MYO16: variants seen among roughly 807,000 people sequenced by gnomAD.
MYO16 encodes unconventional myosin-XVI.
Under a neutral mutation model 205.3 loss-of-function variants are expected in MYO16, and 94 were observed. The ratio of observed to expected loss-of-function variants is 0.46; its 90% confidence interval spans 0.39 to 0.54. MYO16 has a LOEUF of 0.54. Ranked by LOEUF, MYO16 falls within the 20% of genes least tolerant of loss-of-function variation. The pLI is 0.00. For missense variants in MYO16, 2,315 were observed against 2,387.5 expected (o/e 0.97, Z 0.63); for synonymous variants, 988 against 954.0 (o/e 1.04, Z -0.66).
chr13:109,114,931 G>A (rs370051662), intron 28 of MYO16, among the ~76,000 whole-genome samples: 3 of 152,174 alleles, frequency 2.0e-5, no homozygotes, highest in Admixed American at 6.5e-5. Context: ...AATGAGAGGC[G>A]TCACTATTTT....
intron 11 of MYO16, among the ~76,000 whole-genome samples, chr13:108,864,656 G>A (rs986801049): frequency 1.3e-5 from 2 of 151,838 alleles, no homozygotes; most frequent in Non-Finnish European, 2.9e-5. Flanking sequence ...AGCTTCCTGA[G>A]TAGCTGGGAT....
chr13:108,541,040 C>T, the MYO16 span, among the ~76,000 whole-genome samples: 1 of 152,088 alleles, frequency 6.6e-6, no homozygotes, highest in Non-Finnish European at 1.5e-5. Context: ...ACGTTGTTTT[C>T]ATTTGACATG....
intron 2 of MYO16, among the ~76,000 whole-genome samples, chr13:108,673,566 A>G (rs1297765079): frequency 7.9e-5 from 12 of 152,040 alleles, no homozygotes; most frequent in Admixed American, 7.2e-4. Flanking sequence ...TCAAAATGTA[A>G]CACTGGGATA....
Position 109,019,880 on chromosome 13 carries a change from C to T in MYO16, c.2765C>T (p.Thr922Ile), listed in dbSNP as rs764612209. 2 of 1,614,142 alleles carry T rather than the reference C, an allele frequency of 1.2e-6. No individual in the cohort carries two copies. Among genetic ancestry groups the T allele is most frequent in the South Asian group, 2.2e-5 (2 of 91,084 alleles). ...AATGTTGCCCTCAAAGACCACGGTA[C>T]AGCCTTCACCATCATGCACTACGCA... ...NGNVALKDHG[T>I]AFTIMHYAGR... The change falls in exon 23 of 35, where the codon ACA becomes ATA. Residue 922 changes from threonine (T) to isoleucine (I), a missense_variant. Thr to Ile is a moderately conservative substitution (Grantham distance 89). Transcript: ENST00000457511.
chr13:108,856,540 G>A (rs1878180402), intron 11 of MYO16, among the ~76,000 whole-genome samples: 4 of 152,170 alleles, frequency 2.6e-5, no homozygotes, highest in African/African-American at 7.2e-5. Context: ...GCATAAAGTG[G>A]TGAGAGCTGA....
chr13:108,996,270 G>A (rs1264546539), intron 21 of MYO16, among the ~76,000 whole-genome samples: 1 of 152,140 alleles, frequency 6.6e-6, no homozygotes, highest in African/African-American at 2.4e-5. Context: ...GTGGAAAACT[G>A]TACAGGACAA....
At chr13:108,761,394 A>T (rs1332033056) in intron 4 of MYO16, among the ~76,000 whole-genome samples, 1 of 152,212 alleles carries the variant, frequency 6.6e-6, no homozygotes, top group Non-Finnish European at 1.5e-5. Context: ...TCTTACAAAG[A>T]TGGTGTGCCA....
intron 6 of MYO16, among the ~76,000 whole-genome samples, chr13:108,804,499 C>A (rs1887057098): frequency 6.6e-6 from 1 of 152,090 alleles, no homozygotes; most frequent in Non-Finnish European, 1.5e-5. Context: ...CATAAATAGA[C>A]ATTTTTGTTG....
At chr13:108,659,946 T>C (rs764900296) in intron 1 of MYO16, among the ~76,000 whole-genome samples, 3 of 152,068 alleles carry the variant, frequency 2.0e-5, no homozygotes, top group Non-Finnish European at 4.4e-5. Context: ...GTAATTGATA[T>C]TGTAGGAGAG....
At chr13:109,035,688 AAATT>A (rs1328120424) in intron 23 of MYO16, among the ~76,000 whole-genome samples, 12 of 152,296 alleles carry the variant, frequency 7.9e-5, no homozygotes, top group Non-Finnish European at 1.5e-4. Context: ...TGCTTCAAAA[AAATT>A]AATTAAATAA....
intron 27 of MYO16, among the ~76,000 whole-genome samples, chr13:109,081,673 GA>G: frequency 6.6e-6 from 1 of 152,160 alleles, no homozygotes; most frequent in East Asian, 1.9e-4. Context: ...AGTTTAATAT[GA>G]AAAAAGGGAT....
At chr13:108,620,912 C>G (rs75306986) in intron 1 of MYO16, among the ~76,000 whole-genome samples, 1 of 152,192 alleles carries the variant, frequency 6.6e-6, no homozygotes, top group Admixed American at 6.5e-5. Context: ...TGAGAAGGAA[C>G]AGAGCCTCCC....
chr13:108,810,326 C>T (rs968431067), intron 7 of MYO16, among the ~76,000 whole-genome samples: 1 of 152,156 alleles, frequency 6.6e-6, no homozygotes, highest in Non-Finnish European at 1.5e-5. Flanking sequence ...AGCCCATTGT[C>T]CAGCACAGTG....
chr13:109,138,487 C>T (rs911302517), intron 31 of MYO16, among the ~76,000 whole-genome samples: 7 of 152,112 alleles, frequency 4.6e-5, no homozygotes, highest in Admixed American at 2.6e-4. Flanking sequence ...TCTTTTTTGA[C>T]TTAATTTTCA....
chr13:109,136,033 A>G (rs1029194333), intron 31 of MYO16, among the ~76,000 whole-genome samples: 4 of 151,644 alleles, frequency 2.6e-5, no homozygotes, highest in African/African-American at 9.7e-5. Flanking sequence ...TTCTGCTTGG[A>G]AGTCATTTCT....
intron 16 of MYO16, among the ~76,000 whole-genome samples, chr13:108,949,120 A>G (rs1186736003): frequency 2.6e-5 from 4 of 152,240 alleles, no homozygotes; most frequent in African/African-American, 4.8e-5. Flanking sequence ...ATTTTATACA[A>G]TTGTAACACA....
At chr13:108,963,436 A>G (rs1459648754) in intron 19 of MYO16, among the ~76,000 whole-genome samples, 1 of 152,310 alleles carries the variant, frequency 6.6e-6, no homozygotes, top group African/African-American at 2.4e-5. Flanking sequence ...GACACACGCC[A>G]TAAATATCTC....
At chr13:108,856,366 T>G (rs1254643640) in intron 11 of MYO16, among the ~76,000 whole-genome samples, 2 of 152,194 alleles carry the variant, frequency 1.3e-5, no homozygotes, top group Non-Finnish European at 2.9e-5. Context: ...GTAATTTTCA[T>G]GTAAATGTGA....
At chr13:108,759,002 T>C (rs2139652165) in intron 4 of MYO16, among the ~76,000 whole-genome samples, 1 of 152,338 alleles carries the variant, frequency 6.6e-6, no homozygotes, top group East Asian at 1.9e-4. Context: ...TTAGGTAATT[T>C]ATTTTTTAGC....
Sources: allele counts gnomAD v4.1 joint callset (sites outside exome capture counted in the v4.1 genomes callset), GRCh38; gene constraint gnomAD v4.1.1; transcripts MANE v1.5; gene names NCBI Gene and HGNC (gene_info 2026-07-23, HGNC 2026-07-21).